SLX4IP: variants seen among roughly 807,000 people sequenced by gnomAD.
SLX4IP encodes SLX4 interacting protein, also known as protein SLX4IP.
Under a neutral mutation model 32.9 loss-of-function variants are expected in SLX4IP, and 34 were observed. The observed-to-expected ratio is 1.03, with a 90% CI of 0.79 to 1.38. The LOEUF (loss-of-function observed/expected upper bound fraction) is 1.38. Ranked by LOEUF, SLX4IP falls within the 40% of genes most tolerant of loss-of-function variation. SLX4IP has a pLI of 0.00. For missense variants in SLX4IP, 444 were observed against 479.0 expected, an observed-to-expected ratio of 0.93 and a Z score of 0.68; for synonymous variants, 172 against 171.7, an observed-to-expected ratio of 1.00 and a Z score of -0.01.
At chr20:10,461,375 C>T (rs962890903) in intron 2 of SLX4IP, among the ~76,000 whole-genome samples, 8 of 152,374 alleles carry the variant, frequency 5.3e-5, no homozygotes, top group African/African-American at 1.7e-4. Flanking sequence ...GCTTCCAGAT[C>T]ATGGCAGGCA....
chr20:10,455,766 C>G (rs1005135473), intron 1 of SLX4IP, among the ~76,000 whole-genome samples: 1 of 151,978 alleles, frequency 6.6e-6, no homozygotes, highest in Non-Finnish European at 1.5e-5. Flanking sequence ...CACACCACCA[C>G]ACCCAGCTAA....
At chr20:10,501,246 A>G (rs528719202) in intron 2 of SLX4IP, among the ~76,000 whole-genome samples, 4 of 152,312 alleles carry the variant, frequency 2.6e-5, no homozygotes, top group East Asian at 3.9e-4. Flanking sequence ...ATGACATTAT[A>G]TAATAATGTA....
intron 4 of SLX4IP, among the ~76,000 whole-genome samples, chr20:10,585,290 T>C (rs2066633168): frequency 6.6e-6 from 1 of 152,222 alleles, no homozygotes; most frequent in Admixed American, 6.5e-5. Flanking sequence ...TAATGCTCTC[T>C]GGCATTTGAT....
chr20:10,456,464 C>T (rs1387710616), intron 1 of SLX4IP, among the ~76,000 whole-genome samples: 2 of 152,134 alleles, frequency 1.3e-5, no homozygotes, highest in African/African-American at 2.4e-5. Context: ...GCCTCAGCCT[C>T]CTGAGTAGCT....
intron 2 of SLX4IP, among the ~76,000 whole-genome samples, chr20:10,543,281 C>T (rs1369307379): frequency 6.6e-6 from 1 of 152,132 alleles, no homozygotes. Context: ...AATGGAGTTA[C>T]AATTAGTTAC....
intron 2 of SLX4IP, among the ~76,000 whole-genome samples, chr20:10,489,768 G>C (rs1460213541): frequency 6.6e-6 from 1 of 152,200 alleles, no homozygotes; most frequent in Non-Finnish European, 1.5e-5. Context: ...TCCTCAGTGA[G>C]AGGGAAAGGG....
intron 4 of SLX4IP, among the ~76,000 whole-genome samples, chr20:10,565,112 C>T (rs532747559): frequency 2.0e-5 from 3 of 152,194 alleles, no homozygotes; most frequent in African/African-American, 7.2e-5. Context: ...AATGCCACAG[C>T]CTGTGATTTT....
At chr20:10,522,049 C>G (rs1451569057) in intron 2 of SLX4IP, among the ~76,000 whole-genome samples, 3 of 152,182 alleles carry the variant, frequency 2.0e-5, no homozygotes, top group Non-Finnish European at 4.4e-5. Flanking sequence ...TTATGGCACT[C>G]TAAAGTGACT....
chr20:10,439,912 G>C (rs1320777561), intron 1 of SLX4IP, among the ~76,000 whole-genome samples: 1 of 152,174 alleles, frequency 6.6e-6, no homozygotes, highest in East Asian at 1.9e-4. Context: ...TTGAGTTGAT[G>C]TAAGTATATT....
chr20:10,526,505 C>T (rs1028722770), intron 2 of SLX4IP, among the ~76,000 whole-genome samples: 2 of 152,194 alleles, frequency 1.3e-5, no homozygotes, highest in African/African-American at 4.8e-5. Context: ...GATTGCCACT[C>T]AGGTGTTTTC....
intron 5 of SLX4IP, among the ~76,000 whole-genome samples, chr20:10,599,456 A>C (rs1163531621): frequency 6.6e-6 from 1 of 151,904 alleles, no homozygotes; most frequent in Non-Finnish European, 1.5e-5. Context: ...TTTTGAGACA[A>C]GTTCTCACTC....
At chr20:10,619,155 G>A (rs772091271) in intron 6 of SLX4IP, among the ~76,000 whole-genome samples, 1 of 150,712 alleles carries the variant, frequency 6.6e-6, no homozygotes, top group South Asian at 2.1e-4. Flanking sequence ...GTTTTAATTT[G>A]TAAGCGGGAG....
At chr20:10,569,705 A>G (rs1252891575) in intron 4 of SLX4IP, among the ~76,000 whole-genome samples, 1 of 151,906 alleles carries the variant, frequency 6.6e-6, no homozygotes, top group Non-Finnish European at 1.5e-5. Context: ...CCTCTTATCT[A>G]GAAGTCTGAG....
intron 2 of SLX4IP, among the ~76,000 whole-genome samples, chr20:10,509,677 G>A (rs6077820): frequency 0.11 from 17,140 of 152,028 alleles, 1,303 homozygotes; most frequent in Non-Finnish European, 0.17. Flanking sequence ...AGTTGGTCCC[G>A]CATTGGGATG....
At chr20:10,499,071 T>C (rs2065694384) in intron 2 of SLX4IP, among the ~76,000 whole-genome samples, 1 of 152,176 alleles carries the variant, frequency 6.6e-6, no homozygotes, top group Non-Finnish European at 1.5e-5. Flanking sequence ...ATCTTAACTA[T>C]ATGTGTGAAC....
At chr20:10,457,408 G>T (rs1349558613) in intron 1 of SLX4IP, among the ~76,000 whole-genome samples, 1 of 144,796 alleles carries the variant, frequency 6.9e-6, no homozygotes, top group Non-Finnish European at 1.5e-5. Flanking sequence ...TATTGTGTTG[G>T]CTTTTTTTTG....
chr20:10,467,394 G>A (rs1237526392), intron 2 of SLX4IP, among the ~76,000 whole-genome samples: 7 of 152,202 alleles, frequency 4.6e-5, no homozygotes, highest in African/African-American at 1.7e-4. Context: ...ACTTTGGAGT[G>A]TGCAACCTTT....
intron 6 of SLX4IP, among the ~76,000 whole-genome samples, chr20:10,602,386 T>C (rs572004051): frequency 6.9e-4 from 105 of 152,284 alleles, no homozygotes; most frequent in African/African-American, 2.3e-3. Flanking sequence ...CAGCAGGGCC[T>C]GCTTCTGTTT....
chr20:10,531,148 T>C (rs1265157110), intron 2 of SLX4IP, among the ~76,000 whole-genome samples: 5 of 152,170 alleles, frequency 3.3e-5, no homozygotes, highest in African/African-American at 2.4e-5. Context: ...TCTGGGATCA[T>C]CACATGCCCA....
Sources: gnomAD v4.1 joint callset for allele counts (sites outside exome capture counted in the v4.1 genomes callset) on GRCh38, gnomAD v4.1.1 for gene constraint, MANE v1.5 for transcripts, NCBI Gene and HGNC (gene_info 2026-07-23, HGNC 2026-07-21) for gene names.